The following KCNMA1 variants were observed in gnomAD, a reference collection of about 807,000 sequenced individuals.
KCNMA1 encodes Calcium-activated potassium channel subunit alpha-1.
A neutral mutation model predicts 140.0 loss-of-function variants in KCNMA1; 29 were observed. That is an observed-to-expected ratio of 0.21 (90% CI 0.15 to 0.28). KCNMA1 has a LOEUF of 0.28. Among genes scored for constraint, KCNMA1 ranks in the 10% least tolerant of loss-of-function variants. KCNMA1 has a pLI of 1.00. For missense variants in KCNMA1, 880 were observed against 1,602.2 expected (o/e 0.55, Z 7.70); for synonymous variants, 612 against 611.9 (o/e 1.00, Z 0.00).
At chr10:76,973,192 C>A (rs1427971291) in intron 19 of KCNMA1, 1 of 152,184 alleles carries the variant, frequency 6.6e-6, no homozygotes, top group East Asian at 1.9e-4. Context: ...GCGGAAGCCA[C>A]ATGAAGATAT....
intron 5 of KCNMA1, among the ~76,000 whole-genome samples, chr10:77,155,301 A>G (rs990479515): frequency 5.9e-5 from 9 of 152,254 alleles, no homozygotes; most frequent in Non-Finnish European, 1.0e-4. Context: ...GTGTGATTCT[A>G]TAACAAGAGC....
intron 1 of KCNMA1, among the ~76,000 whole-genome samples, chr10:77,558,293 C>G (rs1215826876): frequency 1.3e-5 from 2 of 152,182 alleles, no homozygotes; most frequent in Non-Finnish European, 2.9e-5. Flanking sequence ...GGCAGCATCT[C>G]CCTTAGAGCG....
At chr10:76,952,333 A>T (rs1033048655) in intron 21 of KCNMA1, among the ~76,000 whole-genome samples, 2 of 152,188 alleles carry the variant, frequency 1.3e-5, no homozygotes, top group South Asian at 4.1e-4. Context: ...ATCCTGGCCA[A>T]TATGGTGAAA....
downstream of KCNMA1, chr10:76,876,812 G>A (rs934822660): frequency 1.6e-4 from 24 of 152,204 alleles, no homozygotes; most frequent in African/African-American, 5.5e-4. Context: ...CTGAGACTTG[G>A]GGAGTGGGGA....
rs371417896 is a variant in KCNMA1, at chr10:77,122,144, C to T, written c.809-1096G>A. ...GCACAGTGGTGGGAAGGAATCCTTA[C>T]TACCTTCTACTTGAATGAGGAGTAC... On this transcript the variant is annotated intron_variant, in intron 5 of 27. Transcript: ENST00000286628. Among the ~76,000 whole-genome samples, 38 of 152,334 alleles carry T rather than the reference C, an allele frequency of 2.5e-4. No individual in the cohort carries two copies. The East Asian group carries it at 7.1e-3, about 29-fold the overall frequency.
intron 1 of KCNMA1, among the ~76,000 whole-genome samples, chr10:77,597,612 CA>C (rs2154565822): frequency 1.3e-5 from 2 of 152,344 alleles, no homozygotes; most frequent in South Asian, 4.1e-4. Context: ...ATACAAGGCT[CA>C]CAAGGCCCTA....
chr10:77,397,143 T>A (rs964809038), intron 2 of KCNMA1, among the ~76,000 whole-genome samples: 1 of 152,272 alleles, frequency 6.6e-6, no homozygotes, highest in Admixed American at 6.5e-5. Context: ...TATGTGTGTG[T>A]GCCTGTATTT....
chr10:77,015,909 G>A (rs74921933), intron 17 of KCNMA1, among the ~76,000 whole-genome samples: 4,662 of 152,130 alleles, frequency 0.031, 247 homozygotes, highest in East Asian at 0.18. Flanking sequence ...TGCAATAGGC[G>A]CTGAGTCTCT....
At chr10:76,901,286 A>G (rs913947326) in intron 25 of KCNMA1, 1 of 152,112 alleles carries the variant, frequency 6.6e-6, no homozygotes, top group African/African-American at 2.4e-5. Flanking sequence ...TTTCTTCTTT[A>G]TATGTTTTCT....
At chr10:77,453,746 G>C (rs1327186914) in intron 1 of KCNMA1, among the ~76,000 whole-genome samples, 1 of 152,220 alleles carries the variant, frequency 6.6e-6, no homozygotes, top group Non-Finnish European at 1.5e-5. Context: ...GGTCAGCAGA[G>C]GGACCCCCTT....
At chr10:77,144,317 G>T (rs1198950864) in intron 5 of KCNMA1, among the ~76,000 whole-genome samples, 1 of 152,156 alleles carries the variant, frequency 6.6e-6, no homozygotes, top group Admixed American at 6.6e-5. Flanking sequence ...GAGCTAGTTA[G>T]AAAAGTGAAT....
intron 1 of KCNMA1, among the ~76,000 whole-genome samples, chr10:77,465,991 AAGTGT>A (rs1446434977): frequency 8.5e-5 from 13 of 152,184 alleles, no homozygotes; most frequent in Admixed American, 7.2e-4. Context: ...CATCCCAAGA[AAGTGT>A]TCCTGGCAGG....
intron 1 of KCNMA1, among the ~76,000 whole-genome samples, chr10:77,486,669 T>G (rs1185135688): frequency 1.3e-5 from 2 of 152,242 alleles, no homozygotes; most frequent in Admixed American, 6.5e-5. Context: ...TAGTTCTGCT[T>G]CTATCTGTCA....
At chr10:77,393,934 C>T (rs2095936749) in intron 2 of KCNMA1, among the ~76,000 whole-genome samples, 1 of 152,224 alleles carries the variant, frequency 6.6e-6, no homozygotes, top group South Asian at 2.1e-4. Context: ...TGCACAGAGG[C>T]TGCAAGTGCT....
intron 3 of KCNMA1, among the ~76,000 whole-genome samples, chr10:77,226,432 T>C (rs931704412): frequency 6.6e-6 from 1 of 152,048 alleles, no homozygotes. Context: ...TGTCTCTTTC[T>C]GTCTTCACTG....
intron 17 of KCNMA1, among the ~76,000 whole-genome samples, chr10:77,014,491 A>G (rs1459114420): frequency 6.6e-6 from 1 of 151,602 alleles, no homozygotes; most frequent in African/African-American, 2.4e-5. Context: ...TTCATTTTTA[A>G]CTATAGTCAC....
intron 1 of KCNMA1, among the ~76,000 whole-genome samples, chr10:77,425,140 GAT>G: frequency 6.6e-6 from 1 of 152,180 alleles, no homozygotes; most frequent in African/African-American, 2.4e-5. Flanking sequence ...TGGATGGATG[GAT>G]GGATGGATGG....
intron 1 of KCNMA1, among the ~76,000 whole-genome samples, chr10:77,587,553 A>T (rs1376381250): frequency 6.6e-6 from 1 of 152,160 alleles, no homozygotes; most frequent in East Asian, 1.9e-4. Flanking sequence ...CAAAGAAAAC[A>T]AAGCTAGAGA....
At chr10:77,364,829 G>A (rs1488327686) in intron 2 of KCNMA1, among the ~76,000 whole-genome samples, 2 of 152,170 alleles carry the variant, frequency 1.3e-5, no homozygotes, top group East Asian at 1.9e-4. Context: ...TAGGCAATGA[G>A]ATGAAATTGG....
Sources: allele counts gnomAD v4.1 joint callset (sites outside exome capture counted in the v4.1 genomes callset), GRCh38; gene constraint gnomAD v4.1.1; transcripts MANE v1.5; gene names NCBI Gene and HGNC (gene_info 2026-07-23, HGNC 2026-07-21).